Variants in SPIRE1 observed in about 807,000 individuals in gnomAD.
SPIRE1 encodes the protein protein spire homolog 1.
Under a neutral mutation model 94.1 loss-of-function variants are expected in SPIRE1, and 40 were observed. The observed-to-expected ratio is 0.43, with a 90% confidence interval of 0.33 to 0.55. SPIRE1 has a LOEUF of 0.55. Ranked by LOEUF, SPIRE1 falls within the 20% of genes least tolerant of loss-of-function variation. The pLI is 0.06. For missense variants in SPIRE1, 838 were observed against 975.2 expected (o/e 0.86, Z 1.87); for synonymous variants, 376 against 371.7 (o/e 1.01, Z -0.13).
intron 10 of SPIRE1, among the ~76,000 whole-genome samples, chr18:12,475,593 A>G (rs1395533120): frequency 6.6e-6 from 1 of 152,226 alleles, no homozygotes. Flanking sequence ...AAATTACTAT[A>G]AAATGTGAAC....
intron 3 of SPIRE1, among the ~76,000 whole-genome samples, chr18:12,542,908 C>A (rs2035050430): frequency 6.6e-6 from 1 of 152,138 alleles, no homozygotes; most frequent in Non-Finnish European, 1.5e-5. Context: ...CTTACTGCAA[C>A]CTCCGCCTCC....
At chr18:12,583,027 T>C (rs2036298804) in intron 2 of SPIRE1, among the ~76,000 whole-genome samples, 1 of 152,206 alleles carries the variant, frequency 6.6e-6, no homozygotes, top group Non-Finnish European at 1.5e-5. Context: ...CAATTCAATA[T>C]TTCCATGAAG....
At chr18:12,507,496 C>T (rs1326326427) in intron 5 of SPIRE1, among the ~76,000 whole-genome samples, 2 of 151,846 alleles carry the variant, frequency 1.3e-5, no homozygotes, top group Admixed American at 1.3e-4. Flanking sequence ...GTCAGGAGTT[C>T]GAGACCAGCC....
chr18:12,652,258 AG>A (rs2038400793), intron 1 of SPIRE1, among the ~76,000 whole-genome samples: 1 of 152,210 alleles, frequency 6.6e-6, no homozygotes, highest in South Asian at 2.1e-4. Flanking sequence ...TCTAATTGCT[AG>A]TCAGGTATAC....
chr18:12,602,041 C>T (rs1257515498), intron 2 of SPIRE1, among the ~76,000 whole-genome samples: 1 of 152,142 alleles, frequency 6.6e-6, no homozygotes, highest in Non-Finnish European at 1.5e-5. Context: ...GGTGCCACTG[C>T]TTCCAGGCCC....
intron 1 of SPIRE1, chr18:12,652,961 A>C (rs758140023): frequency 2.0e-5 from 3 of 152,208 alleles, no homozygotes; most frequent in Non-Finnish European, 4.4e-5. Context: ...CATTCAGCTC[A>C]ACAACAGAGT....
chr18:12,451,866 T>C (rs77280534), intron 16 of SPIRE1, among the ~76,000 whole-genome samples: 1 of 152,242 alleles, frequency 6.6e-6, no homozygotes, highest in African/African-American at 2.4e-5. Flanking sequence ...GTCAAAGCTA[T>C]GGCAGAACAT....
intron 2 of SPIRE1, among the ~76,000 whole-genome samples, chr18:12,620,413 C>A (rs578262425): frequency 6.6e-6 from 1 of 152,240 alleles, no homozygotes; most frequent in South Asian, 2.1e-4. Context: ...CTCACACTTA[C>A]CAATTTCAAA....
intron 2 of SPIRE1, among the ~76,000 whole-genome samples, chr18:12,600,886 C>T (rs2036815620): frequency 6.6e-6 from 1 of 151,928 alleles, no homozygotes; most frequent in South Asian, 2.1e-4. Flanking sequence ...CCACACCCAA[C>T]TAATTTTTGT....
intron 2 of SPIRE1, among the ~76,000 whole-genome samples, chr18:12,593,778 C>T (rs898686866): frequency 4.6e-5 from 7 of 151,968 alleles, no homozygotes; most frequent in African/African-American, 1.7e-4. Context: ...GGAGAAACCC[C>T]ATCTCTACTA....
intron 2 of SPIRE1, among the ~76,000 whole-genome samples, chr18:12,592,182 C>A (rs2036554715): frequency 6.6e-6 from 1 of 151,888 alleles, no homozygotes; most frequent in Admixed American, 6.6e-5. Flanking sequence ...AGATCACTGT[C>A]CTGGATTTGA....
At chr18:12,501,045 C>T (rs1355018451) in intron 6 of SPIRE1, among the ~76,000 whole-genome samples, 4 of 132,438 alleles carry the variant, frequency 3.0e-5, no homozygotes, top group South Asian at 4.9e-4. Context: ...GCACTCCATC[C>T]GGGGCAACAA....
At chr18:12,643,526 C>A (rs755210777) in intron 1 of SPIRE1, among the ~76,000 whole-genome samples, 34 of 152,146 alleles carry the variant, frequency 2.2e-4, no homozygotes, top group Admixed American at 1.0e-3. Flanking sequence ...GACAACCTAG[C>A]CAACAAGAGC....
In SPIRE1 at chr18:12,619,677, C is replaced by T. The variant is rs527844330; in HGVS notation, c.372+15385G>A. Among the ~76,000 whole-genome samples the T allele has an allele frequency of 1.6e-3, 236 of 151,752 alleles. 1 individual carries two copies. The highest frequency in any genetic ancestry group is 5.4e-3 in the African/African-American group (222 of 41,386). On this transcript the variant is annotated intron_variant, in intron 2 of 16. Transcript: ENST00000409402. ...CCTGGCCAACACAGTGAAACCCTGT[C>T]TCTACTAAGAATACAAACATTAGCC...
chr18:12,560,613 T>C (rs1302796012), intron 2 of SPIRE1, among the ~76,000 whole-genome samples: 1 of 152,134 alleles, frequency 6.6e-6, no homozygotes, highest in East Asian at 1.9e-4. Context: ...CACTTTGGCA[T>C]GCCAAGGCGG....
intron 4 of SPIRE1, among the ~76,000 whole-genome samples, chr18:12,525,707 AG>A (rs2034501569): frequency 6.6e-6 from 1 of 152,136 alleles, no homozygotes; most frequent in Non-Finnish European, 1.5e-5. Context: ...TGGATTAAAA[AG>A]CCCCCCAGTA....
intron 10 of SPIRE1, among the ~76,000 whole-genome samples, chr18:12,469,999 T>C (rs2032287434): frequency 6.6e-6 from 1 of 151,882 alleles, no homozygotes; most frequent in Non-Finnish European, 1.5e-5. Context: ...TGGAGTGCAG[T>C]GGTGCAATCA....
intron 2 of SPIRE1, among the ~76,000 whole-genome samples, chr18:12,609,908 G>A (rs2037091776): frequency 6.6e-6 from 1 of 151,696 alleles, no homozygotes; most frequent in Admixed American, 6.6e-5. Flanking sequence ...ATCTCTGAAG[G>A]CCCCCCTCCA....
At chr18:12,536,772 G>A (rs114573189) in intron 3 of SPIRE1, among the ~76,000 whole-genome samples, 3,870 of 152,226 alleles carry the variant, frequency 0.025, 169 homozygotes, top group African/African-American at 0.088. Flanking sequence ...ATCCTATTAA[G>A]AGTCCCATAC....
Sources: allele counts gnomAD v4.1 joint callset (sites outside exome capture counted in the v4.1 genomes callset), GRCh38; gene constraint gnomAD v4.1.1; transcripts MANE v1.5; gene names NCBI Gene and HGNC (gene_info 2026-07-23, HGNC 2026-07-21).